Variants in TCP11 observed in about 807,000 individuals in gnomAD.
The protein encoded by TCP11 is t-complex 11.
TCP11 carries 34 observed loss-of-function variants against 45.0 expected under a neutral mutation model. That is an observed-to-expected ratio of 0.76 (90% CI 0.57 to 1.01). The LOEUF is 1.01. TCP11 is among the 50% of genes least tolerant of loss of function. The pLI is 0.00. For missense variants in TCP11, 523 were observed against 598.1 expected, an observed-to-expected ratio of 0.87 and a Z score of 1.31; for synonymous variants, 227 against 227.0, an observed-to-expected ratio of 1.00 and a Z score of 0.00.
intron 2 of TCP11, chr6:35,140,025 G>GT (rs758925079): frequency 6.2e-7 from 1 of 1,613,936 alleles, no homozygotes; most frequent in Non-Finnish European, 8.5e-7. Context: ...CCTACCTCAG[G>GT]TTCATAGCTG....
rs1156923273 is a variant in TCP11 at position 35,118,440 on chromosome 6, TAATA to T, written c.1337_1340del (p.Leu446GlnfsTer24). ...TGAGAGTAAGGCCTCCAGGAAGGTC[TAATA>T]GAGACCGCTGCACACCAAGAACCAA... On this transcript the variant is annotated frameshift_variant, in exon 10 of 10. Coordinates refer to ENST00000311875, the MANE Select transcript of TCP11 (RefSeq NM_001370687.1). LOFTEE classifies it low-confidence loss of function (END_TRUNC). 6.2e-7 allele frequency: 1 copy of T among 1,614,086 alleles called. No homozygotes were observed. The highest frequency in any genetic ancestry group is 1.7e-5 in the Admixed American group (1 of 60,006).
In TCP11 at chr6:35,120,640, AG is replaced by A; in HGVS notation, c.721del (p.Asn242IlefsTer7). 1 of 1,613,348 alleles carries A rather than the reference AG, an allele frequency of 6.2e-7. No homozygotes were observed. The highest frequency in any genetic ancestry group is 1.1e-5 in the South Asian group (1 of 90,952). ...QELLNKQPSL[L>X]NHTTKWLTQA... ...GGTCAGCCATTTGGTGGTGTGATTA[AG>A]GAGACCTATGACAGGTAAGGGAGTG... On this transcript the variant is annotated frameshift_variant, in exon 7 of 10. Coordinates refer to ENST00000311875, the MANE Select transcript of TCP11 (RefSeq NM_001370687.1). LOFTEE classifies it high-confidence loss of function. The surrounding 1 kb of genome is among the most constrained non-coding windows in gnomAD (Gnocchi z 4.9).
intron 4 of TCP11, among the ~76,000 whole-genome samples, chr6:35,127,276 G>GGTTTGTGGGATTGT (rs1779934318): frequency 1.3e-5 from 2 of 152,194 alleles, no homozygotes; most frequent in African/African-American, 4.8e-5. Context: ...CCACACAATG[G>GGTTTGTGGGATTGT]GGGTAAGAAA....
At position 35,140,251 on chromosome 6, in the gene TCP11, GAGT is replaced by G. The variant is rs764837964; in HGVS notation, c.124+493_124+495del. On this transcript the variant is annotated intron_variant, in intron 2 of 9. Coordinates refer to ENST00000311875, the MANE Select transcript of TCP11 (RefSeq NM_001370687.1). ...CTGGAGATTAAGAGAAATACAGCATGAGTCCCAGTGAGACTGGACCTACCACGA... is the reference window on the plus strand; with the variant it reads ...CTGGAGATTAAGAGAAATACAGCATGCCCAGTGAGACTGGACCTACCACGA... The G allele has an allele frequency of 5.4e-5, 80 of 1,479,340 alleles. 1 individual carries two copies. The African/African-American group carries it at 8.5e-4, about 16-fold the overall frequency. 91.6% of individuals were successfully genotyped at this position (1,479,340 alleles called of 1,614,324 possible).
chr6:35,135,987 T>A (rs1036036612), intron 3 of TCP11, 120 bp downstream of exon 3: 1 of 634,480 alleles, frequency 1.6e-6, no homozygotes, highest in Non-Finnish European at 2.6e-6. Context: ...TGTTGAGACC[T>A]CTCAAGTTTA....
At position 35,120,699 on chromosome 6, in the gene TCP11, C is replaced by A; in HGVS notation, c.716-53G>T. ...ATCTTTAGCATCTTCATCTCTGAGG[C>A]TTCAAGACCAAGGTTCTTTTCAAGT... On this transcript the variant is annotated intron_variant, in intron 6 of 9. Coordinates refer to ENST00000311875, the MANE Select transcript of TCP11 (RefSeq NM_001370687.1). This position sits in a 1 kb window ranked among gnomAD's most constrained non-coding sequence, Gnocchi z 4.9. The A allele has an allele frequency of 1.3e-6, 2 of 1,541,648 alleles. No homozygotes were observed. The highest frequency in any genetic ancestry group is 1.2e-5 in the South Asian group (1 of 82,612).
At chr6:35,129,319 G>A in intron 3 of TCP11, 137 bp from the exon 4 acceptor site, 1 of 1,109,368 alleles carries the variant, frequency 9.0e-7, no homozygotes, top group Non-Finnish European at 1.2e-6. Context: ...AACTATGTTG[G>A]AACTGCAGCA....
chr6:35,127,273 A>ATT (rs1779933019), intron 4 of TCP11, among the ~76,000 whole-genome samples: 2 of 152,196 alleles, frequency 1.3e-5, no homozygotes, highest in African/African-American at 4.8e-5. Context: ...TGGCCACACA[A>ATT]TGGGGGTAAG....
chr6:35,119,397 C>A lies in TCP11; in HGVS notation c.1116-6G>T. 6.2e-7 allele frequency: 1 copy of A among 1,613,256 alleles called. No homozygotes were observed. Among genetic ancestry groups the A allele is most frequent in the Non-Finnish European group, 8.5e-7 (1 of 1,179,526 alleles). ...TCAGTATAGCTTCCTCAGGCCTAGA[C>A]CATGAAAGAAAGTAAGCTGGCACCC... On this transcript the variant is annotated splice_polypyrimidine_tract_variant and splice_region_variant and intron_variant, in intron 8 of 9. Transcript: ENST00000311875.
At chr6:35,122,917 T>C (rs534023614) in intron 4 of TCP11, among the ~76,000 whole-genome samples, 59 of 152,332 alleles carry the variant, frequency 3.9e-4, no homozygotes, top group Middle Eastern at 6.8e-3. Flanking sequence ...TTTACCTTCA[T>C]GTTAAACAAA....
At position 35,118,399 on chromosome 6, in the gene TCP11, G is replaced by A. The variant is rs1440444651; in HGVS notation, c.1382C>T (p.Ala461Val). The A allele has an allele frequency of 1.2e-6, 2 of 1,614,166 alleles. No homozygotes were observed. The highest frequency in any genetic ancestry group is 1.7e-5 in the Admixed American group (1 of 60,024). The change falls in exon 10 of 10, where the codon GCA becomes GTA. Residue 461 changes from alanine to valine, a missense_variant. By Grantham distance (64) the Ala-to-Val change is moderately conservative. Transcript: ENST00000311875. Reference protein sequence around the residue: ...GGLTLIEAELAELGQKFVNLT... With the variant: ...GGLTLIEAELVELGQKFVNLT... ...GTTGACAAACTTTTGGCCCAGTTCT[G>A]CCAGTTCTGCTTCAATGAGAGTAAG...
chr6:35,126,650 C>CTTTTTTTT (rs56010838), intron 4 of TCP11, among the ~76,000 whole-genome samples: 1 of 66,898 alleles, frequency 1.5e-5, no homozygotes. Flanking sequence ...GAATCAAAGA[C>CTTTTTTTT]TTTTTTTTTT....
At position 35,136,101 on chromosome 6, in the gene TCP11, C is replaced by A; in HGVS notation, c.236+6G>T. On this transcript the variant is annotated splice_donor_region_variant and intron_variant, in intron 3 of 9. Coordinates refer to ENST00000311875, the MANE Select transcript of TCP11 (RefSeq NM_001370687.1). ...AGCAACATGAAGAAAGAAGAAGAGTCTATACCTGCTTGGAGGTAAAACCTT... is the reference window on the plus strand; with the variant it reads ...AGCAACATGAAGAAAGAAGAAGAGTATATACCTGCTTGGAGGTAAAACCTT... 6.2e-7 allele frequency: 1 copy of A among 1,610,680 alleles called. No homozygotes were observed. Among genetic ancestry groups the A allele is most frequent in the Non-Finnish European group, 8.5e-7 (1 of 1,177,328 alleles).
At chr6:35,140,691 A>AC (rs1339535951) in intron 2 of TCP11, 56 bp downstream of exon 2, 14 of 1,032,218 alleles carry the variant, frequency 1.4e-5, no homozygotes, top group Non-Finnish European at 2.0e-5. Flanking sequence ...GGGCCTGCGG[A>AC]CCCCCCACAC....
chr6:35,122,079 C>T, intron 5 of TCP11, 38 bp downstream of exon 5: 1 of 1,607,894 alleles, frequency 6.2e-7, no homozygotes, highest in Non-Finnish European at 8.5e-7. Flanking sequence ...GGCTCAGGGG[C>T]TAAAGCAGGT....
At position 35,120,531 on chromosome 6, in the gene TCP11, A is replaced by T; in HGVS notation, c.831T>A (p.Asn277Lys). ...DSSSVAGPSP[N>K]EAANNPEPLS... ...GGGGCTCTGGGTTGTTGGCTGCCTC[A>T]TTGGGAGAGGGGCCAGCCACACTGG... Residue 277 changes from asparagine to lysine, a missense_variant, in exon 7 of 10, where the codon AAT becomes AAA. Around this residue, in one of 2 missense-constraint regions of TCP11, gnomAD observed 298 missense variants for 387.9 expected, o/e 0.77. Transcript: ENST00000311875. The surrounding 1 kb of genome is among the most constrained non-coding windows in gnomAD (Gnocchi z 4.9). The T allele has an allele frequency of 6.2e-7, 1 of 1,614,056 alleles. No homozygotes were observed. The highest frequency in any genetic ancestry group is 8.5e-7 in the Non-Finnish European group (1 of 1,180,026).
intron 2 of TCP11, among the ~76,000 whole-genome samples, chr6:35,138,268 C>G (rs1462761480): frequency 6.6e-6 from 1 of 152,142 alleles, no homozygotes; most frequent in Admixed American, 6.6e-5. Flanking sequence ...ATCAATCTAT[C>G]GAAGAGATAT....
chr6:35,120,918 T>C lies in TCP11; in HGVS notation c.706A>G (p.Lys236Glu). Residue 236 changes from lysine to glutamate, a missense_variant, in exon 6 of 10, where the codon AAG (lysine) becomes GAG (glutamate). Physicochemically the swap from Lys to Glu is moderately conservative, Grantham distance 56. Coordinates refer to ENST00000311875, the MANE Select transcript of TCP11 (RefSeq NM_001370687.1). This position sits in a 1 kb window ranked among gnomAD's most constrained non-coding sequence, Gnocchi z 4.9. ...ERAKFQELLN[K>E]QPSLLNHTTK... Reference sequence around the variant, plus strand: ...CACATTATATACATACTAGGCTGCTTATTGAGGAGTTCCTGGAATTTAGCC... The same window carrying C: ...CACATTATATACATACTAGGCTGCTCATTGAGGAGTTCCTGGAATTTAGCC... 1 of 1,613,690 alleles carries C rather than the reference T, an allele frequency of 6.2e-7. No homozygotes were observed. The highest frequency in any genetic ancestry group is 8.5e-7 in the Non-Finnish European group (1 of 1,179,814).
At chr6:35,129,888 C>T (rs1456516412) in intron 3 of TCP11, among the ~76,000 whole-genome samples, 1 of 152,288 alleles carries the variant, frequency 6.6e-6, no homozygotes, top group African/African-American at 2.4e-5. Context: ...AAATCTCTTG[C>T]CCCTGCCTCC....
Sources: allele counts gnomAD v4.1 joint callset (sites outside exome capture counted in the v4.1 genomes callset), GRCh38; gene constraint gnomAD v4.1.1; regional missense constraint gnomAD v4.1.1; non-coding constraint Gnocchi (gnomAD v3.1); transcripts MANE v1.5; gene names NCBI Gene and HGNC (gene_info 2026-07-23, HGNC 2026-07-21).